Variants in MMP26 observed in about 807,000 individuals in gnomAD.
The protein encoded by MMP26 is matrix metalloproteinase-26.
In MMP26, 33 loss-of-function variants were observed where a neutral mutation model predicts 31.0. That is an observed-to-expected ratio of 1.06 (90% CI 0.81 to 1.42). The LOEUF (loss-of-function observed/expected upper bound fraction) is 1.42. Among genes scored for constraint, MMP26 ranks in the 40% most tolerant of loss-of-function variants. The pLI, the probability that MMP26 is intolerant of heterozygous loss-of-function variation, is 0.00. For synonymous variants in MMP26, 122 were observed against 114.9 expected, an observed-to-expected ratio of 1.06 and a Z score of -0.40; for missense variants, 347 against 316.1, an observed-to-expected ratio of 1.10 and a Z score of -0.74.
intron 2 of MMP26, among the ~76,000 whole-genome samples, chr11:4,818,141 T>C (rs1849446535): frequency 6.6e-6 from 1 of 152,188 alleles, no homozygotes; most frequent in Non-Finnish European, 1.5e-5. Flanking sequence ...TATCAGCAAG[T>C]AGTTTGCTAA....
intron 1 of MMP26, among the ~76,000 whole-genome samples, chr11:4,766,225 G>C (rs931783253): frequency 2.0e-5 from 3 of 152,164 alleles, no homozygotes; most frequent in Non-Finnish European, 2.9e-5. Flanking sequence ...ATTTATGCTG[G>C]AATTTAATGC....
At chr11:4,880,305 C>T (rs781234445) in intron 2 of MMP26, among the ~76,000 whole-genome samples, 2 of 151,276 alleles carry the variant, frequency 1.3e-5, no homozygotes, top group African/African-American at 2.4e-5. Flanking sequence ...GGAGTGCAAA[C>T]GTGGAGAAAA....
chr11:4,743,282 G>A (rs1848338319), intron 1 of MMP26, among the ~76,000 whole-genome samples: 3 of 152,044 alleles, frequency 2.0e-5, no homozygotes, highest in Non-Finnish European at 4.4e-5. Flanking sequence ...TTCTCTTCCT[G>A]ATGTTTGTTA....
intron 1 of MMP26, among the ~76,000 whole-genome samples, chr11:4,707,936 G>C (rs1222880467): frequency 6.6e-6 from 1 of 152,130 alleles, no homozygotes; most frequent in Non-Finnish European, 1.5e-5. Flanking sequence ...AGTTTCATTA[G>C]AGGACGCTTC....
chr11:4,946,171 T>C (rs767899161), intron 2 of MMP26: 3 of 1,613,806 alleles, frequency 1.9e-6, no homozygotes, highest in East Asian at 4.5e-5. Flanking sequence ...AAATCTTCCG[T>C]TGACACAATT....
intron 2 of MMP26, among the ~76,000 whole-genome samples, chr11:4,920,476 C>G (rs1167106590): frequency 6.6e-6 from 1 of 152,150 alleles, no homozygotes; most frequent in Non-Finnish European, 1.5e-5. Flanking sequence ...GGAGATTGGG[C>G]TTTACACCAA....
chr11:4,838,920 C>T (rs35268529), intron 2 of MMP26, among the ~76,000 whole-genome samples: 10,222 of 152,158 alleles, frequency 0.067, 466 homozygotes, highest in Middle Eastern at 0.15. Context: ...CTTGAATCGC[C>T]GATGCCGCGC....
chr11:4,973,362 G>A (rs889000395), intron 2 of MMP26: 1 of 152,682 alleles, frequency 6.5e-6, no homozygotes, highest in Non-Finnish European at 1.5e-5. Context: ...TGGGACAGGA[G>A]GTTCTTCTTA....
chr11:4,816,870 A>ATT (rs11443728), intron 2 of MMP26, among the ~76,000 whole-genome samples: 2,361 of 144,142 alleles, frequency 0.016, 66 homozygotes, highest in African/African-American at 0.054. Flanking sequence ...CGCCCGGCTA[A>ATT]TTTTTTTTTT....
chr11:4,880,564 T>C (rs1326559383), intron 2 of MMP26, among the ~76,000 whole-genome samples: 2 of 152,194 alleles, frequency 1.3e-5, no homozygotes, highest in East Asian at 3.9e-4. Flanking sequence ...AATCAATCAA[T>C]GTTGCTAAAT....
At chr11:4,848,491 C>A in intron 2 of MMP26, 1 of 1,613,594 alleles carries the variant, frequency 6.2e-7, no homozygotes, top group Non-Finnish European at 8.5e-7. Flanking sequence ...TTCCAGCGAT[C>A]CTCTCTGGAC....
In MMP26 at chr11:4,720,668, A is replaced by G. The variant is rs540552905; in HGVS notation, c.-217+15623A>G. 1.1e-4 allele frequency among the ~76,000 whole-genome samples: 17 copies of G among 152,312 alleles called. No homozygotes were observed. In the South Asian group the frequency reaches 3.3e-3, roughly 30 times the overall value. ...TTATTAAAAACTATGATTTTGGTGGAGAGTTCCCCCAAGAGCTTATATTCT... is the reference window on the plus strand; with the variant it reads ...TTATTAAAAACTATGATTTTGGTGGGGAGTTCCCCCAAGAGCTTATATTCT... On this transcript the variant is annotated intron_variant, in intron 1 of 7. Coordinates refer to ENST00000380390, the MANE Select transcript of MMP26 (RefSeq NM_021801.5).
chr11:4,910,761 A>T (rs965874591), intron 2 of MMP26, among the ~76,000 whole-genome samples: 1 of 152,148 alleles, frequency 6.6e-6, no homozygotes. Context: ...TACTTGGCAC[A>T]TATTTGGACA....
chr11:4,759,532 C>G lies in MMP26; in HGVS notation c.-216-7738C>G, dbSNP rs141141813. 6.3e-4 allele frequency among the ~76,000 whole-genome samples: 96 copies of G among 152,204 alleles called. 1 individual carries two copies. Among genetic ancestry groups the G allele is most frequent in the African/African-American group, 1.6e-3 (68 of 41,540 alleles). Reference sequence around the variant, plus strand: ...TTGAGTGCCTACTTTGCACACTTAACCCTCAAAATAACCTTTTATTTTCAA... The same window carrying G: ...TTGAGTGCCTACTTTGCACACTTAAGCCTCAAAATAACCTTTTATTTTCAA... On this transcript the variant is annotated intron_variant, in intron 1 of 7. Coordinates refer to ENST00000380390, the MANE Select transcript of MMP26 (RefSeq NM_021801.5).
At chr11:4,895,658 T>C (rs1049494387) in intron 2 of MMP26, among the ~76,000 whole-genome samples, 7 of 152,222 alleles carry the variant, frequency 4.6e-5, no homozygotes, top group African/African-American at 1.7e-4. Context: ...ATGCAGTGGC[T>C]CATGCCTGTA....
intron 1 of MMP26, chr11:4,723,157 C>CT (rs1276841605): frequency 1.9e-6 from 3 of 1,599,216 alleles, no homozygotes; most frequent in Non-Finnish European, 2.6e-6. Context: ...TAATGGCCAG[C>CT]TCCCCACGCT....
chr11:4,790,703 C>T (rs11822216), intron 2 of MMP26, among the ~76,000 whole-genome samples: 24,346 of 152,080 alleles, frequency 0.16, 2,123 homozygotes, highest in African/African-American at 0.22. Flanking sequence ...CACACCCTCT[C>T]CACTTCCACA....
chr11:4,898,331 TTTA>T (rs1177929399), intron 2 of MMP26, among the ~76,000 whole-genome samples: 1 of 152,086 alleles, frequency 6.6e-6, no homozygotes, highest in Non-Finnish European at 1.5e-5. Context: ...CCCCTCTTAT[TTTA>T]TTATTTCTCT....
In MMP26 at chr11:4,769,866, C is replaced by T. The variant is rs780336528; in HGVS notation, c.-145+2525C>T. 28 of 1,613,042 alleles carry T rather than the reference C, an allele frequency of 1.7e-5. No homozygotes were observed. The highest frequency in any genetic ancestry group is 6.7e-5 in the East Asian group (3 of 44,890). On this transcript the variant is annotated intron_variant, in intron 2 of 7. Transcript: ENST00000380390. ...TGGGCAGACTCTAGGCCAGGAATGC[C>T]GGTCAACAAGAAGGTTGGAAATTTA... is the stretch of plus-strand genomic sequence containing the variant.
Sources: allele counts gnomAD v4.1 joint callset (sites outside exome capture counted in the v4.1 genomes callset), GRCh38; gene constraint gnomAD v4.1.1; transcripts MANE v1.5; gene names NCBI Gene and HGNC (gene_info 2026-07-23, HGNC 2026-07-21).